Variants in EEIG2 observed in about 807,000 individuals in gnomAD.
EEIG2 encodes EEIG family member 2.
At chr1:108,593,325 T>A in the EEIG2 span, among the ~76,000 whole-genome samples, 1 of 152,172 alleles carries the variant, frequency 6.6e-6, no homozygotes, top group Non-Finnish European at 1.5e-5. Context: ...CTAATCATCA[T>A]CATGACAGTT....
At chr1:108,560,515 C>T in the EEIG2 span, 1 of 1,613,124 alleles carries the variant, frequency 6.2e-7, no homozygotes, top group Non-Finnish European at 8.5e-7. Flanking sequence ...GGGTCCTCTT[C>T]TGCAAGATGC....
At chr1:108,621,057 GT>G in the EEIG2 span, among the ~76,000 whole-genome samples, 1 of 152,046 alleles carries the variant, frequency 6.6e-6, no homozygotes, top group South Asian at 2.1e-4. Flanking sequence ...CTGTGCACAA[GT>G]TTATGCCATC....
the EEIG2 span, among the ~76,000 whole-genome samples, chr1:108,586,698 C>CA: frequency 3.3e-5 from 5 of 151,924 alleles, no homozygotes; most frequent in Admixed American, 3.3e-4. Flanking sequence ...TGTAGGGGCG[C>CA]AAATTTGAGA....
chr1:108,587,816 C>T, the EEIG2 span, among the ~76,000 whole-genome samples: 9 of 151,896 alleles, frequency 5.9e-5, no homozygotes, highest in Admixed American at 2.0e-4. Context: ...TCTCCTGTTA[C>T]TTCATTTTTA....
At chr1:108,580,636 G>A in the EEIG2 span, among the ~76,000 whole-genome samples, 2 of 152,084 alleles carry the variant, frequency 1.3e-5, no homozygotes, top group African/African-American at 4.8e-5. Flanking sequence ...GAAAATCTTA[G>A]TGGTTGGACA....
chr1:108,624,955 C>T, the EEIG2 span: 12 of 529,904 alleles, frequency 2.3e-5, no homozygotes, highest in Non-Finnish European at 4.1e-5. Flanking sequence ...TACAATGACA[C>T]TCTCCTCACT....
the EEIG2 span, among the ~76,000 whole-genome samples, chr1:108,608,845 G>T: frequency 2.0e-5 from 3 of 152,208 alleles, no homozygotes; most frequent in Non-Finnish European, 2.9e-5. Context: ...CCAAGATCAA[G>T]GTGCTGGTGG....
At chr1:108,617,325 G>A in the EEIG2 span, among the ~76,000 whole-genome samples, 1 of 152,324 alleles carries the variant, frequency 6.6e-6, no homozygotes, top group Admixed American at 6.5e-5. Flanking sequence ...AGGAGTAACA[G>A]AGAGGACAGG....
chr1:108,579,796 A>AGAGAGAGAGAGAGAGAG, the EEIG2 span, among the ~76,000 whole-genome samples: 1 of 148,914 alleles, frequency 6.7e-6, no homozygotes, highest in African/African-American at 2.5e-5. Flanking sequence ...AGAGAGAGAG[A>AGAGAGAGAGAGAGAGAG]AAGAAACCCA....
At chr1:108,573,467 G>A in the EEIG2 span, among the ~76,000 whole-genome samples, 37 of 152,216 alleles carry the variant, frequency 2.4e-4, no homozygotes, top group African/African-American at 8.9e-4. Flanking sequence ...CTGGGAAAGG[G>A]AATAGGCTGG....
chr1:108,592,859 G>C, the EEIG2 span, among the ~76,000 whole-genome samples: 1 of 152,078 alleles, frequency 6.6e-6, no homozygotes, highest in Non-Finnish European at 1.5e-5. Flanking sequence ...AGAAGTTTGG[G>C]CTGGGTGTGG....
the EEIG2 span, among the ~76,000 whole-genome samples, chr1:108,572,193 T>C: frequency 1.3e-5 from 2 of 152,362 alleles, no homozygotes; most frequent in Admixed American, 6.5e-5. Context: ...CTATCTTGAC[T>C]TCCATGAATC....
the EEIG2 span, among the ~76,000 whole-genome samples, chr1:108,609,422 G>A: frequency 6.6e-6 from 1 of 152,158 alleles, no homozygotes; most frequent in Non-Finnish European, 1.5e-5. Context: ...GGTAAGGGGT[G>A]GAAGGCGGTA....
the EEIG2 span, chr1:108,628,841 C>T: frequency 1.3e-6 from 2 of 1,586,280 alleles, no homozygotes; most frequent in Non-Finnish European, 1.7e-6. Flanking sequence ...TTCCTGCAAT[C>T]CAGGTTTTTG....
At chr1:108,592,170 G>T in the EEIG2 span, among the ~76,000 whole-genome samples, 1 of 152,220 alleles carries the variant, frequency 6.6e-6, no homozygotes, top group South Asian at 2.1e-4. Context: ...TTGAGAGTCT[G>T]AATTGTGGTG....
At chr1:108,568,066 G>A in the EEIG2 span, among the ~76,000 whole-genome samples, 1 of 151,262 alleles carries the variant, frequency 6.6e-6, no homozygotes, top group Admixed American at 6.6e-5. Flanking sequence ...TTCAAGATGT[G>A]GCTTTGTACA....
chr1:108,612,378 T>C, the EEIG2 span: 1 of 889,538 alleles, frequency 1.1e-6, no homozygotes, highest in Non-Finnish European at 1.8e-6. Context: ...AAGGACAAGA[T>C]GTGAATCAGT....
chr1:108,563,001 G>C, the EEIG2 span, among the ~76,000 whole-genome samples: 1 of 152,172 alleles, frequency 6.6e-6, no homozygotes, highest in Non-Finnish European at 1.5e-5. Flanking sequence ...CCCCTTAAAA[G>C]TCAGGTGTAG....
At chr1:108,625,495 A>G in the EEIG2 span, 1 of 152,184 alleles carries the variant, frequency 6.6e-6, no homozygotes, top group East Asian at 1.9e-4. Context: ...ATATGCAAAT[A>G]TTTGGTTTCT....
Sources: gnomAD v4.1 joint callset for allele counts (sites outside exome capture counted in the v4.1 genomes callset) on GRCh38, gnomAD v4.1.1 for gene constraint, MANE v1.5 for transcripts, NCBI Gene and HGNC (gene_info 2026-07-23, HGNC 2026-07-21) for gene names.